Variants in IL1R2 observed in about 807,000 individuals in gnomAD.
IL1R2 encodes interleukin-1 receptor type 2.
A neutral mutation model predicts 39.5 loss-of-function variants in IL1R2; 46 were observed. The ratio of observed to expected loss-of-function variants is 1.16; its 90% CI spans 0.92 to 1.49. The LOEUF is 1.49. Ranked by LOEUF, IL1R2 falls within the 40% of genes most tolerant of loss-of-function variation. IL1R2 has a pLI of 0.00. For missense variants in IL1R2, 537 were observed against 502.0 expected (o/e 1.07, Z -0.67); for synonymous variants, 207 against 189.6 (o/e 1.09, Z -0.75).
Position 102,028,433 on chromosome 2 carries a change from T to G in IL1R2, c.*41T>G. ...ATAATTCAAACACAAACTCCGTACG[T>G]CTTCTCTTATGGAAGTGGCTGTGTC... On this transcript the variant is annotated 3_prime_UTR_variant, in exon 9 of 9. Transcript: ENST00000332549. 6.7e-7 allele frequency: 1 copy of G among 1,494,824 alleles called. No homozygotes were observed. The highest frequency in any genetic ancestry group is 9.1e-7 in the Non-Finnish European group (1 of 1,102,832). 92.6% of individuals were successfully genotyped at this position (1,494,824 alleles called of 1,614,324 possible). A position where few individuals can be genotyped will look rare whatever the true frequency, so the allele number is the denominator to read the frequency against.
chr2:102,028,515 G>A lies in IL1R2; in HGVS notation c.*123G>A. 1.2e-6 allele frequency: 1 copy of A among 815,274 alleles called. No individual in the cohort carries two copies. The highest frequency in any genetic ancestry group is 1.8e-6 in the Non-Finnish European group (1 of 544,142). 50.5% of individuals were successfully genotyped at this position (815,274 alleles called of 1,614,324 possible). ...GTCTACCAAAGGTGCCACATTTATA[G>A]TGGCTTTGTAGTAAAGGACTAAAGT... On this transcript the variant is annotated 3_prime_UTR_variant, in exon 9 of 9. Coordinates refer to ENST00000332549, the MANE Select transcript of IL1R2 (RefSeq NM_004633.4).
intron 1 of IL1R2, among the ~76,000 whole-genome samples, chr2:102,005,808 A>G (rs1676225805): frequency 6.6e-6 from 1 of 152,202 alleles, no homozygotes; most frequent in Non-Finnish European, 1.5e-5. Context: ...TTGGGAAAGC[A>G]GGGAGGACAG....
rs575320991 is a variant in IL1R2, at chr2:101,996,672, A to T, written c.-62+4661A>T. Among the ~76,000 whole-genome samples, 4 of 151,774 alleles carry T rather than the reference A, an allele frequency of 2.6e-5. No individual in the cohort carries two copies. In the South Asian group the frequency reaches 8.3e-4, roughly 32 times the overall value. ...AAAATCCCATCTGTTTTGACATCTT[A>T]AAAACTTTGGAAGAAAATATTTCCA... On this transcript the variant is annotated intron_variant, in intron 1 of 8. Coordinates refer to ENST00000332549, the MANE Select transcript of IL1R2 (RefSeq NM_004633.4).
intron 4 of IL1R2, among the ~76,000 whole-genome samples, chr2:102,019,361 G>A (rs1180392276): frequency 6.6e-6 from 1 of 152,184 alleles, no homozygotes; most frequent in Non-Finnish European, 1.5e-5. Context: ...GGCTTACTTT[G>A]TCAAAGAAGA....
chr2:102,011,867 A>G (rs1311537820), intron 3 of IL1R2, among the ~76,000 whole-genome samples: 2 of 152,278 alleles, frequency 1.3e-5, no homozygotes, highest in South Asian at 2.1e-4. Context: ...TCTTCTAAGA[A>G]TTTTATAGTT....
intron 1 of IL1R2, among the ~76,000 whole-genome samples, chr2:101,993,747 C>T (rs1675455386): frequency 6.6e-6 from 1 of 152,152 alleles, no homozygotes; most frequent in African/African-American, 2.4e-5. Context: ...TTTTGGGGGC[C>T]TTTGCTCTTC....
chr2:102,028,233 C>G lies in IL1R2; in HGVS notation c.1038C>G (p.Ser346=). ...ACTCTGTTCTTCCCACAGCCTCCTC[C>G]ACGTTCTCCTGGGGCATTGTGCTGG... ...TLRTTVKEAS[S]TFSWGIVLAP... Residue 346 remains serine (S), a synonymous_variant, in exon 9 of 9, where the codon TCC becomes TCG. Coordinates refer to ENST00000332549, the MANE Select transcript of IL1R2 (RefSeq NM_004633.4). 6.2e-7 allele frequency: 1 copy of G among 1,607,582 alleles called. No homozygotes were observed. The highest frequency in any genetic ancestry group is 8.5e-7 in the Non-Finnish European group (1 of 1,176,612).
Position 102,000,205 on chromosome 2 carries a change from T to C in IL1R2, c.-62+8194T>C, listed in dbSNP as rs1187204162. Among the ~76,000 whole-genome samples the C allele has an allele frequency of 3.3e-5, 5 of 152,338 alleles. No homozygotes were observed. The East Asian group carries it at 9.7e-4, about 29-fold the overall frequency. ...AACACTGATGAGAGCTACTGCTTGT[T>C]GAACACTTTCTTTTTGCAGCACTGC... On this transcript the variant is annotated intron_variant, in intron 1 of 8. Transcript: ENST00000332549.
In IL1R2 at chr2:102,009,629, T is replaced by A; in HGVS notation, c.135T>A (p.Pro45=). The A allele has an allele frequency of 6.2e-7, 1 of 1,614,204 alleles. No individual in the cohort carries two copies. The highest frequency in any genetic ancestry group is 8.5e-7 in the Non-Finnish European group (1 of 1,180,026). The change falls in exon 3 of 9, where the codon CCT becomes CCA. Residue 45 remains proline (P), a synonymous_variant. Transcript: ENST00000332549. The part of the protein sequence containing the change: ...YKREFRLEGE[P]VALRCPQVPY... ...GGGAGTTCAGGCTGGAAGGGGAGCC[T>A]GTAGCCCTGAGGTGCCCCCAGGTGC...
rs761989298 is a variant in IL1R2 at position 102,008,583 on chromosome 2, G to C, written c.8G>C (p.Arg3Pro). The C allele has an allele frequency of 6.2e-7, 1 of 1,614,010 alleles. No homozygotes were observed. The highest frequency in any genetic ancestry group is 8.5e-7 in the Non-Finnish European group (1 of 1,179,926). ML[R>P]LYVLVMGVSA... ...TGGAAGTTGTCAGGAGCAATGTTGCGCTTGTACGTGTTGGTAATGGGAGTT... is the reference window on the plus strand; with the variant it reads ...TGGAAGTTGTCAGGAGCAATGTTGCCCTTGTACGTGTTGGTAATGGGAGTT... The change falls in exon 2 of 9, where the codon CGC becomes CCC. Residue 3 changes from arginine to proline, a missense_variant. Arg to Pro is a moderately radical substitution (Grantham distance 103). Transcript: ENST00000332549.
chr2:102,015,730 T>C, intron 3 of IL1R2, 141 bp from the exon 4 acceptor site: 1 of 671,730 alleles, frequency 1.5e-6, no homozygotes, highest in South Asian at 2.0e-5. Flanking sequence ...AGTTGAACCA[T>C]CTTATGTCGG....
chr2:102,014,193 A>G lies in IL1R2; in HGVS notation c.333-1678A>G, dbSNP rs558009307. On this transcript the variant is annotated intron_variant, in intron 3 of 8. Coordinates refer to ENST00000332549, the MANE Select transcript of IL1R2 (RefSeq NM_004633.4). ...TGAAGATAGATTTATGGGTTTTCCC[A>G]GAGCCTTGCTGGGCTTCCCATTTTG... 4.6e-5 allele frequency among the ~76,000 whole-genome samples: 7 copies of G among 152,366 alleles called. No homozygotes were observed. The South Asian group carries it at 1.4e-3, about 32-fold the overall frequency.
At position 102,008,501 on chromosome 2, in the gene IL1R2, G is replaced by C. The variant is rs1345734068; in HGVS notation, c.-61-14G>C. On this transcript the variant is annotated splice_polypyrimidine_tract_variant and intron_variant, in intron 1 of 8. Coordinates refer to ENST00000332549, the MANE Select transcript of IL1R2 (RefSeq NM_004633.4). Reference sequence around the variant, plus strand: ...GTTCTTGGTTCCTGGTGACACCTCTGTTTCCTCCCCTAGGCCACGTGCTGC... The same window carrying C: ...GTTCTTGGTTCCTGGTGACACCTCTCTTTCCTCCCCTAGGCCACGTGCTGC... The C allele has an allele frequency of 2.8e-5, 34 of 1,195,572 alleles. No homozygotes were observed. The highest frequency in any genetic ancestry group is 4.3e-5 in the Non-Finnish European group (34 of 798,962). The allele number at this position is 1,195,572 out of a possible 1,614,324, so 74.1% of individuals were successfully genotyped here.
intron 7 of IL1R2, 130 bp from the exon 8 acceptor site, chr2:102,025,981 A>T: frequency 1.4e-6 from 1 of 693,656 alleles, no homozygotes; most frequent in Non-Finnish European, 2.4e-6. Flanking sequence ...AGAGCTCCTA[A>T]CTTTATGAAA....
At chr2:101,997,432 C>T (rs1040316648) in intron 1 of IL1R2, among the ~76,000 whole-genome samples, 3 of 152,294 alleles carry the variant, frequency 2.0e-5, no homozygotes, top group African/African-American at 4.8e-5. Flanking sequence ...TGAAGAGCTC[C>T]GAGGAGCACC....
chr2:101,998,075 A>T (rs558420742), intron 1 of IL1R2, among the ~76,000 whole-genome samples: 25 of 152,188 alleles, frequency 1.6e-4, no homozygotes, highest in Non-Finnish European at 3.4e-4. Flanking sequence ...AGGAAAACAC[A>T]TTGGGAGGTA....
At chr2:102,016,784 C>T (rs3218907) in intron 4 of IL1R2, among the ~76,000 whole-genome samples, 1 of 152,136 alleles carries the variant, frequency 6.6e-6, no homozygotes, top group African/African-American at 2.4e-5. Flanking sequence ...GGAGGATATC[C>T]GTAGGTTATA....
At chr2:102,024,755 A>T in intron 7 of IL1R2, 87 bp downstream of exon 7, 1 of 1,462,842 alleles carries the variant, frequency 6.8e-7, no homozygotes, top group Non-Finnish European at 9.1e-7. Context: ...CACATACCAC[A>T]TTAAAAGTTA....
chr2:102,009,173 G>A (rs1448160909), intron 2 of IL1R2, among the ~76,000 whole-genome samples: 1 of 152,180 alleles, frequency 6.6e-6, no homozygotes, highest in Non-Finnish European at 1.5e-5. Context: ...CATACGACGT[G>A]CCAGAACTAA....
Sources: gnomAD v4.1 joint callset for allele counts (sites outside exome capture counted in the v4.1 genomes callset) on GRCh38, gnomAD v4.1.1 for gene constraint, MANE v1.5 for transcripts, NCBI Gene and HGNC (gene_info 2026-07-23, HGNC 2026-07-21) for gene names.